Variants in ARMCX4 observed in about 807,000 individuals in gnomAD.
ARMCX4 encodes armadillo repeat containing X-linked 4, also known as armadillo repeat-containing X-linked protein 4.
In ARMCX4, 3 loss-of-function variants were observed where a neutral mutation model predicts 34.7. The observed-to-expected ratio is 0.09, with a 90% CI of 0.04 to 0.22. ARMCX4 has a LOEUF of 0.22. Ranked by LOEUF, ARMCX4 falls within the 10% of genes least tolerant of loss-of-function variation. The pLI, the probability that ARMCX4 is intolerant of heterozygous loss-of-function variation, is 1.00. For missense variants in ARMCX4, 1,448 were observed against 1,720.8 expected (o/e 0.84, Z 2.81); for synonymous variants, 513 against 632.8 (o/e 0.81, Z 2.84).
At chrX:101,483,864 A>G (rs1419290445), upstream of ARMCX4, among the ~76,000 whole-genome samples, 1 of 111,603 alleles carries the variant, frequency 9.0e-6, no homozygotes, top group Non-Finnish European at 1.9e-5. Context: ...TCCTCCACAC[A>G]GGGGCCCCTC....
chrX:101,471,786 C>T (rs1333535748), intron 4 of ARMCX4, among the ~76,000 whole-genome samples: 4 of 111,048 alleles, frequency 3.6e-5, no homozygotes, highest in Non-Finnish European at 5.7e-5. Flanking sequence ...GAAAGGACAT[C>T]CACACCAAAA....
chrX:101,483,750 C>T (rs989718633), upstream of ARMCX4, among the ~76,000 whole-genome samples: 4 of 110,194 alleles, frequency 3.6e-5, no homozygotes, highest in African/African-American at 1.3e-4. Context: ...TCAATATTTT[C>T]CTTTGGTGGA....
intron 11 of ARMCX4, among the ~76,000 whole-genome samples, chrX:101,522,438 T>G (rs2147716481): frequency 8.9e-6 from 1 of 112,318 alleles, no homozygotes; most frequent in Admixed American, 9.5e-5. Flanking sequence ...TTTAAATTAA[T>G]TCTGTCAATC....
chrX:101,494,757 T>G lies in ARMCX4; in HGVS notation c.6168T>G (p.Pro2056=), dbSNP rs782196060. 6.9e-6 allele frequency: 8 copies of G among 1,154,926 alleles called. No individual in the cohort carries two copies. In the South Asian group the frequency reaches 1.3e-4, roughly 19 times the overall value. ...LICMIEMTED[P]SVHEIANNAL... ...GCATGATTGAGATGACTGAAGATCC[T>G]TCTGTTCATGAAATAGCCAATAATG... The change falls in exon 6 of 6, where the codon CCT becomes CCG. Residue 2056 remains proline (P), a synonymous_variant. Coordinates refer to ENST00000423738, the MANE Select transcript of ARMCX4 (RefSeq NM_001256155.3).
intron 11 of ARMCX4, among the ~76,000 whole-genome samples, chrX:101,527,579 G>A (rs1287692794): frequency 1.8e-5 from 2 of 111,281 alleles, no homozygotes; most frequent in Non-Finnish European, 3.8e-5. Flanking sequence ...TTGATAGACT[G>A]CTAGCAAGAC....
chrX:101,434,884 G>A (rs782416180), intron 2 of ARMCX4, among the ~76,000 whole-genome samples: 39 of 106,929 alleles, frequency 3.6e-4, no homozygotes, highest in East Asian at 1.5e-3. Flanking sequence ...GAGAACATGC[G>A]GCGTTTGGTT....
Position 101,489,508 on chromosome X carries a change from A to G in ARMCX4, c.919A>G (p.Met307Val). 8.7e-7 allele frequency: 1 copy of G among 1,155,574 alleles called. No homozygotes were observed. The highest frequency in any genetic ancestry group is 1.1e-6 in the Non-Finnish European group (1 of 872,921). The change falls in exon 6 of 6, where the codon ATG becomes GTG. Residue 307 changes from methionine to valine, a missense_variant. Coordinates refer to ENST00000423738, the MANE Select transcript of ARMCX4 (RefSeq NM_001256155.3). Reference protein sequence around the residue: ...GVEDMGNCKTMSRAESGADTR... With the variant: ...GVEDMGNCKTVSRAESGADTR... ...TGAGGACATGGGGAATTGTAAAACC[A>G]TGTCTAGGGCAGAGTCTGGGGCAGA...
chrX:101,439,192 C>G lies in ARMCX4; in HGVS notation n.165-4860C>G, dbSNP rs1378554248. On this transcript the variant is annotated intron_variant and non_coding_transcript_variant, in intron 2 of 3. Transcript: ENST00000430461. ...TGGTGACAGAATCTCTCAGCATTTG[C>G]TTGTCTGTAAAGTATTTTATTTCTC... 2.7e-5 allele frequency among the ~76,000 whole-genome samples: 3 copies of G among 111,625 alleles called. No homozygotes were observed. In the Admixed American group the frequency reaches 2.9e-4, roughly 11 times the overall value.
intron 11 of ARMCX4, among the ~76,000 whole-genome samples, chrX:101,527,843 C>T (rs1190601125): frequency 9.0e-6 from 1 of 111,410 alleles, no homozygotes; most frequent in African/African-American, 3.3e-5. Context: ...TAATTAATAG[C>T]CTACCAACCA....
Position 101,475,976 on chromosome X carries a change from A to G in ARMCX4, c.-472-10047A>G, listed in dbSNP as rs781904565. ...ATAGAGGATTTAAATTTCACAATTG[A>G]TGTGCTTTAACTAATCTCTCTAATA... is the stretch of plus-strand genomic sequence containing the variant. On this transcript the variant is annotated intron_variant and NMD_transcript_variant, in intron 4 of 15. Coordinates refer to the ARMCX4 transcript ENST00000433011. Among the ~76,000 whole-genome samples, 3 of 111,277 alleles carry G rather than the reference A, an allele frequency of 2.7e-5. No homozygotes were observed. In the South Asian group the frequency reaches 1.1e-3, roughly 43 times the overall value.
downstream of ARMCX4, among the ~76,000 whole-genome samples, chrX:101,533,812 A>G (rs1254943945): frequency 1.8e-5 from 2 of 111,827 alleles, no homozygotes; most frequent in Non-Finnish European, 3.8e-5. Flanking sequence ...TATTTCCACA[A>G]TTATTTAACA....
At chrX:101,479,213 T>C (rs1292635253) in intron 4 of ARMCX4, among the ~76,000 whole-genome samples, 1 of 108,717 alleles carries the variant, frequency 9.2e-6, no homozygotes, top group Non-Finnish European at 1.9e-5. Flanking sequence ...GAGAATATAA[T>C]GTACAAAAAG....
At chrX:101,438,346 C>T (rs1039158582) in intron 2 of ARMCX4, among the ~76,000 whole-genome samples, 5 of 111,635 alleles carry the variant, frequency 4.5e-5, no homozygotes, top group South Asian at 3.7e-4. Context: ...GGGCGGATCA[C>T]GAGGTCAGGA....
intron 2 of ARMCX4, among the ~76,000 whole-genome samples, chrX:101,435,610 GT>G (rs1236217973): frequency 3.6e-4 from 37 of 102,796 alleles, no homozygotes; most frequent in Admixed American, 5.2e-4. Flanking sequence ...TCTGATGGTA[GT>G]TTTTTTTTTT....
chrX:101,454,610 A>G (rs1047528893), intron 4 of ARMCX4, among the ~76,000 whole-genome samples: 22 of 111,051 alleles, frequency 2.0e-4, no homozygotes, highest in African/African-American at 5.9e-4. Context: ...TCAAGGTACT[A>G]TCTTGATGTC....
chrX:101,530,000 T>C (rs1935086525), intron 11 of ARMCX4, among the ~76,000 whole-genome samples: 1 of 111,816 alleles, frequency 8.9e-6, no homozygotes, highest in Non-Finnish European at 1.9e-5. Context: ...ACCAAAAGGA[T>C]TATAAATCAT....
chrX:101,441,591 T>TAC (rs10631945), intron 2 of ARMCX4, among the ~76,000 whole-genome samples: 49,934 of 104,550 alleles, frequency 0.48, 10,248 homozygotes, highest in Non-Finnish European at 0.62. Context: ...TATACATACA[T>TAC]ACACACACAC....
chrX:101,440,020 G>A (rs1555996322), intron 2 of ARMCX4, among the ~76,000 whole-genome samples: 3 of 112,160 alleles, frequency 2.7e-5, no homozygotes. Flanking sequence ...TTGCTGGTGA[G>A]GAGCTGTGTT....
rs2147678498 is a variant in ARMCX4, at chrX:101,494,495, A to T, written c.5906A>T (p.Lys1969Ile). 1 of 1,155,728 alleles carries T rather than the reference A, an allele frequency of 8.7e-7. No individual in the cohort carries two copies. Among genetic ancestry groups the T allele is most frequent in the East Asian group, 3.3e-5 (1 of 30,762 alleles). The change falls in exon 6 of 6, where the codon AAA becomes ATA. Residue 1969 changes from lysine (K) to isoleucine (I), a missense_variant. Physicochemically the swap from Lys to Ile is moderately radical, Grantham distance 102. This residue lies in a region of ARMCX4 where 1,343 missense variants were observed against 1,540.7 expected (regional missense o/e 0.87). Coordinates refer to ENST00000423738, the MANE Select transcript of ARMCX4 (RefSeq NM_001256155.3). ...AAATCTGCACCTAAGGCTAAAGCCAAAAAGTCATCTGAGTCAAGAGGCATA... is the reference window on the plus strand; with the variant it reads ...AAATCTGCACCTAAGGCTAAAGCCATAAAGTCATCTGAGTCAAGAGGCATA... ...EDKSAPKAKA[K>I]KSSESRGIYP...
Sources: allele counts gnomAD v4.1 joint callset (sites outside exome capture counted in the v4.1 genomes callset), GRCh38; gene constraint gnomAD v4.1.1; regional missense constraint gnomAD v4.1.1; transcripts MANE v1.5; gene names NCBI Gene and HGNC (gene_info 2026-07-23, HGNC 2026-07-21).